The following RORA variants were observed in gnomAD, a reference collection of about 807,000 sequenced individuals.
RORA encodes the protein RAR related orphan receptor A.
RORA carries 7 observed loss-of-function variants against 69.5 expected under a neutral mutation model. That is an observed-to-expected ratio of 0.10 (90% CI 0.06 to 0.19). The LOEUF is 0.19. Ranked by LOEUF, RORA falls within the 10% of genes least tolerant of loss-of-function variation. The pLI is 1.00. For missense variants in RORA, 457 were observed against 663.0 expected, an observed-to-expected ratio of 0.69 and a Z score of 3.41; for synonymous variants, 261 against 240.8, an observed-to-expected ratio of 1.08 and a Z score of -0.78.
chr15:60,897,086 T>C lies in RORA; in HGVS notation c.167-218400A>G, dbSNP rs112186415. On this transcript the variant is annotated intron_variant, in intron 1 of 10. Transcript: ENST00000335670. ...GGGGTGGGAGACGTTTTCGATGTTG[T>C]TTAATGGGCGGTAGTGGGACCAAGG... Among the ~76,000 whole-genome samples the C allele has an allele frequency of 6.2e-3, 941 of 152,176 alleles. 11 individuals carry two copies. The highest frequency in any genetic ancestry group is 0.022 in the African/African-American group (904 of 41,490).
At chr15:61,097,094 A>C (rs1220314585) in intron 1 of RORA, among the ~76,000 whole-genome samples, 1 of 152,222 alleles carries the variant, frequency 6.6e-6, no homozygotes, top group East Asian at 1.9e-4. Flanking sequence ...GAGAAGTACT[A>C]CAAAGAGGAA....
chr15:61,105,840 T>C (rs1007672444), intron 1 of RORA, among the ~76,000 whole-genome samples: 1 of 152,232 alleles, frequency 6.6e-6, no homozygotes, highest in Non-Finnish European at 1.5e-5. Flanking sequence ...ACATGGTAGA[T>C]ACTAGGTAAT....
rs955068991 is a variant in RORA, at chr15:60,975,741, G to A, written c.166+253312C>T. Among the ~76,000 whole-genome samples the A allele has an allele frequency of 5.9e-5, 9 of 152,306 alleles. No homozygotes were observed. In the South Asian group the frequency reaches 6.2e-4, roughly 11 times the overall value. ...GAATGAATGGAAAATAACTGATACA[G>A]TGTTAGGCTGGGCACAGGAAACGGG... On this transcript the variant is annotated intron_variant, in intron 1 of 10. Coordinates refer to ENST00000335670, the MANE Select transcript of RORA (RefSeq NM_134261.3).
chr15:61,157,199 T>C (rs1476597125), intron 1 of RORA, among the ~76,000 whole-genome samples: 1 of 152,146 alleles, frequency 6.6e-6, no homozygotes, highest in African/African-American at 2.4e-5. Flanking sequence ...ATAGATTATA[T>C]CCTCTGAACC....
intron 1 of RORA, among the ~76,000 whole-genome samples, chr15:61,215,027 G>A (rs950826566): frequency 5.7e-5 from 7 of 122,152 alleles, no homozygotes; most frequent in Non-Finnish European, 1.0e-4. Context: ...ACCACGCCCA[G>A]CTAATTTTTT....
At position 61,012,222 on chromosome 15, in the gene RORA, C is replaced by T. The variant is rs554358159; in HGVS notation, c.166+216831G>A. ...GGAGGATTAAATGAATTAATTCAAG[C>T]ATAGCATGTAAAACATGTGCTAGAA... On this transcript the variant is annotated intron_variant, in intron 1 of 10. Coordinates refer to ENST00000335670, the MANE Select transcript of RORA (RefSeq NM_134261.3). Among the ~76,000 whole-genome samples, 12 of 152,318 alleles carry T rather than the reference C, an allele frequency of 7.9e-5. No homozygotes were observed. The East Asian group carries it at 2.3e-3, about 29-fold the overall frequency.
At chr15:60,946,823 G>A (rs916870185) in intron 1 of RORA, among the ~76,000 whole-genome samples, 37 of 152,002 alleles carry the variant, frequency 2.4e-4, no homozygotes, top group South Asian at 2.1e-4. Flanking sequence ...AGGAAGTGAG[G>A]AGCGTCTCTG....
intron 2 of RORA, among the ~76,000 whole-genome samples, chr15:60,540,096 T>C (rs1235423775): frequency 6.6e-6 from 1 of 152,206 alleles, no homozygotes; most frequent in East Asian, 1.9e-4. Flanking sequence ...AACAATGGTG[T>C]CCCTTACATA....
intron 1 of RORA, among the ~76,000 whole-genome samples, chr15:61,163,987 TA>T (rs2079519250): frequency 6.6e-6 from 1 of 152,170 alleles, no homozygotes; most frequent in Middle Eastern, 3.2e-3. Context: ...CTGGGCTCAA[TA>T]AACTGTTAGA....
chr15:60,508,884 T>C (rs1234991185), intron 5 of RORA, among the ~76,000 whole-genome samples: 1 of 152,228 alleles, frequency 6.6e-6, no homozygotes, highest in Admixed American at 6.5e-5. Flanking sequence ...CTGGAATGTC[T>C]AATTCAGGTA....
chr15:60,901,451 T>G (rs1365323441), intron 1 of RORA, among the ~76,000 whole-genome samples: 1 of 152,204 alleles, frequency 6.6e-6, no homozygotes, highest in African/African-American at 2.4e-5. Flanking sequence ...GGATTACAGG[T>G]GTGAGCCACC....
At chr15:60,619,750 C>T (rs1387549192) in intron 2 of RORA, among the ~76,000 whole-genome samples, 1 of 152,260 alleles carries the variant, frequency 6.6e-6, no homozygotes, top group African/African-American at 2.4e-5. Flanking sequence ...GACCACTTCA[C>T]TGTGGCTCAG....
chr15:60,885,980 C>T (rs1049781381), intron 1 of RORA, among the ~76,000 whole-genome samples: 3 of 152,328 alleles, frequency 2.0e-5, no homozygotes, highest in African/African-American at 2.4e-5. Context: ...TCTCTGCTGC[C>T]TCATTTCCTG....
At chr15:61,108,956 T>C (rs1163504322) in intron 1 of RORA, among the ~76,000 whole-genome samples, 2 of 152,144 alleles carry the variant, frequency 1.3e-5, no homozygotes, top group African/African-American at 4.8e-5. Flanking sequence ...CCCAGCGCTT[T>C]GGGAGGCCAA....
At chr15:60,780,337 T>C (rs1402730613) in intron 1 of RORA, among the ~76,000 whole-genome samples, 1 of 152,160 alleles carries the variant, frequency 6.6e-6, no homozygotes, top group Non-Finnish European at 1.5e-5. Context: ...GGACTGGTGA[T>C]GTGCAGACAG....
chr15:60,890,072 C>A (rs998699830), intron 1 of RORA, among the ~76,000 whole-genome samples: 15 of 152,178 alleles, frequency 9.9e-5, no homozygotes, highest in African/African-American at 3.6e-4. Context: ...CGGAGTCTAT[C>A]TTTCCATAGT....
At position 60,495,818 on chromosome 15, in the gene RORA, T is replaced by A. The variant is rs1271559369; in HGVS notation, c.*1637A>T. On this transcript the variant is annotated 3_prime_UTR_variant, in exon 11 of 11. Transcript: ENST00000335670. ...TGTTTTTAAAATATGCACATCTGTT[T>A]ATCAGACTATTCCTTTCCCCTTCCC... 6.6e-6 allele frequency: 1 copy of A among 151,466 alleles called. No individual in the cohort carries two copies. The allele number at this position is 151,466 out of a possible 1,614,324, so 9.4% of individuals were successfully genotyped here.
At chr15:60,947,114 G>T (rs1432704998) in intron 1 of RORA, among the ~76,000 whole-genome samples, 2 of 149,210 alleles carry the variant, frequency 1.3e-5, no homozygotes, top group African/African-American at 4.9e-5. Context: ...GGGAGGTGGG[G>T]GGGTCAGCCC....
chr15:61,198,124 C>A (rs1042379167), intron 1 of RORA, among the ~76,000 whole-genome samples: 9 of 152,078 alleles, frequency 5.9e-5, no homozygotes, highest in African/African-American at 1.9e-4. Context: ...TCCCAAACAA[C>A]TCAGCCATCT....
Sources: allele counts gnomAD v4.1 joint callset (sites outside exome capture counted in the v4.1 genomes callset), GRCh38; gene constraint gnomAD v4.1.1; transcripts MANE v1.5; gene names NCBI Gene and HGNC (gene_info 2026-07-23, HGNC 2026-07-21).